Variants in BABAM2 observed in about 807,000 individuals in gnomAD.
BABAM2 encodes BRISC and BRCA1 A complex member 2, also known as BRISC and BRCA1-A complex member 2.
A neutral mutation model predicts 54.7 loss-of-function variants in BABAM2; 31 were observed. The ratio of observed to expected loss-of-function variants is 0.57; its 90% CI spans 0.43 to 0.77. The LOEUF (loss-of-function observed/expected upper bound fraction) is 0.77, where lower values mean the gene tolerates loss of function less well. Among genes scored for constraint, BABAM2 ranks in the 30% least tolerant of loss-of-function variants. BABAM2 has a pLI of 0.00. For synonymous variants in BABAM2, 167 were observed against 162.9 expected (o/e 1.03, Z -0.19); for missense variants, 364 against 455.8 (o/e 0.80, Z 1.83).
chr2:28,276,113 G>A (rs1159993125), intron 10 of BABAM2, among the ~76,000 whole-genome samples: 1 of 152,052 alleles, frequency 6.6e-6, no homozygotes, highest in Non-Finnish European at 1.5e-5. Flanking sequence ...GTGGAAGCTT[G>A]TTAGGTTGAA....
rs1690142814 is a variant in BABAM2, at chr2:28,322,911, C to T, written c.1089-15539C>T. Among the ~76,000 whole-genome samples, 3 of 152,256 alleles carry T rather than the reference C, an allele frequency of 2.0e-5. No homozygotes were observed. Among genetic ancestry groups the T allele is most frequent in the Admixed American group, 6.5e-5 (1 of 15,292 alleles). On this transcript the variant is annotated intron_variant, in intron 11 of 11. Transcript: ENST00000379624. This position sits in a 1 kb window ranked among gnomAD's most constrained non-coding sequence, Gnocchi z 4.1. Reference sequence around the variant, plus strand: ...CATTATTGTCATTAAAGGGGCTAGACGTCTGGCCTGCTGGATAATATCCCC... The same window carrying T: ...CATTATTGTCATTAAAGGGGCTAGATGTCTGGCCTGCTGGATAATATCCCC...
At chr2:28,281,812 A>G (rs1348621853) in intron 10 of BABAM2, among the ~76,000 whole-genome samples, 3 of 152,238 alleles carry the variant, frequency 2.0e-5, no homozygotes, top group Non-Finnish European at 4.4e-5. Context: ...ATGGGATGGT[A>G]TGCCCATCTT....
chr2:28,112,117 C>CTTTT (rs1389962181), intron 6 of BABAM2, among the ~76,000 whole-genome samples: 1 of 11,954 alleles, frequency 8.4e-5, no homozygotes, highest in Non-Finnish European at 1.6e-4. Context: ...TTCTTTCTTT[C>CTTTT]TTTCTTTCTT....
chr2:27,933,650 A>T (rs577670082), intron 3 of BABAM2, among the ~76,000 whole-genome samples: 3 of 151,832 alleles, frequency 2.0e-5, no homozygotes, highest in Non-Finnish European at 2.9e-5. Flanking sequence ...TGTATTTTAG[A>T]GACAGGGTTT....
At chr2:28,236,240 T>C (rs1169128107) in intron 7 of BABAM2, among the ~76,000 whole-genome samples, 4 of 151,800 alleles carry the variant, frequency 2.6e-5, no homozygotes, top group Non-Finnish European at 4.4e-5. Context: ...GGAAAGAAGA[T>C]GAAGTCAAGA....
chr2:28,137,847 G>A (rs1360528676), intron 7 of BABAM2, among the ~76,000 whole-genome samples: 2 of 152,046 alleles, frequency 1.3e-5, no homozygotes, highest in Non-Finnish European at 2.9e-5. Context: ...TTTGAGTCTT[G>A]GGGAAGTTCT....
Position 27,907,015 on chromosome 2 carries a change from A to G in BABAM2, c.128+12331A>G, listed in dbSNP as rs145956973. On this transcript the variant is annotated intron_variant, in intron 2 of 11. Transcript: ENST00000379624. ...GCTCCAAATTAATTATTCTTATACC[A>G]TCACTCATATGTTAAAAGTCTCCTT... Among the ~76,000 whole-genome samples, 28 of 152,276 alleles carry G rather than the reference A, an allele frequency of 1.8e-4. 1 individual carries two copies. The East Asian group carries it at 5.2e-3, about 28-fold the overall frequency.
chr2:27,939,157 TG>T (rs1668698159), intron 3 of BABAM2, among the ~76,000 whole-genome samples: 1 of 152,164 alleles, frequency 6.6e-6, no homozygotes, highest in African/African-American at 2.4e-5. Flanking sequence ...TTCACCATGT[TG>T]GCTAGGATGG....
At chr2:28,102,669 A>G (rs1163592448) in intron 6 of BABAM2, among the ~76,000 whole-genome samples, 2 of 152,234 alleles carry the variant, frequency 1.3e-5, no homozygotes, top group African/African-American at 2.4e-5. Flanking sequence ...GCAGGAAAAC[A>G]GTGTCTTCCA....
intron 7 of BABAM2, among the ~76,000 whole-genome samples, chr2:28,208,193 G>T (rs1679080043): frequency 6.6e-6 from 1 of 152,186 alleles, no homozygotes; most frequent in African/African-American, 2.4e-5. Context: ...TAATGCAGGT[G>T]CAGGACAGCC....
At chr2:27,889,907 G>T (rs979672807), upstream of BABAM2, 8 of 236,216 alleles carry the variant, frequency 3.4e-5, no homozygotes, top group Non-Finnish European at 5.7e-5. Context: ...GTAAAATGAC[G>T]TGGGCAAAGT....
rs536431900 is a variant in BABAM2, at chr2:28,313,084, C to A, written c.1088+14593C>A. ...CCTGCACCACGTACACATCCACCTA[C>A]CCGTGGAGTGGCCTGGCATGGGTGC... is the stretch of plus-strand genomic sequence containing the variant. On this transcript the variant is annotated intron_variant, in intron 11 of 11. Transcript: ENST00000379624. Among the ~76,000 whole-genome samples, 4 of 152,334 alleles carry A rather than the reference C, an allele frequency of 2.6e-5. No homozygotes were observed. The South Asian group carries it at 8.3e-4, about 32-fold the overall frequency.
chr2:28,165,197 ATAG>A (rs1673519109), intron 7 of BABAM2, among the ~76,000 whole-genome samples: 1 of 152,174 alleles, frequency 6.6e-6, no homozygotes, highest in Admixed American at 6.5e-5. Context: ...ACATACTATA[ATAG>A]TAGGGTGTTC....
chr2:28,315,097 G>T (rs1689413856), intron 11 of BABAM2, among the ~76,000 whole-genome samples: 1 of 141,404 alleles, frequency 7.1e-6, no homozygotes, highest in South Asian at 2.4e-4. Flanking sequence ...GGAGAGGAGA[G>T]GGGAGAGGAG....
intron 7 of BABAM2, among the ~76,000 whole-genome samples, chr2:28,227,124 A>G (rs928205865): frequency 1.5e-4 from 23 of 152,152 alleles, no homozygotes; most frequent in African/African-American, 3.1e-4. Context: ...CTGAGATTCA[A>G]TCTCAAAGCC....
chr2:27,904,610 A>G (rs1239318958), intron 2 of BABAM2, among the ~76,000 whole-genome samples: 2 of 151,932 alleles, frequency 1.3e-5, no homozygotes, highest in South Asian at 2.1e-4. Context: ...AGCCATCAAC[A>G]TGAAAGACAG....
At chr2:28,117,850 A>G (rs955547362) in intron 6 of BABAM2, among the ~76,000 whole-genome samples, 10 of 152,194 alleles carry the variant, frequency 6.6e-5, no homozygotes, top group Admixed American at 2.6e-4. Context: ...GGCAAGCAAT[A>G]TCACATATGT....
At chr2:28,261,144 A>G (rs1036012228) in intron 10 of BABAM2, among the ~76,000 whole-genome samples, 2 of 151,454 alleles carry the variant, frequency 1.3e-5, no homozygotes, top group African/African-American at 4.9e-5. Context: ...GTTTCACCAT[A>G]ATGGTCAGAC....
chr2:27,891,843 C>T (rs991018480), intron 1 of BABAM2, among the ~76,000 whole-genome samples: 1 of 152,072 alleles, frequency 6.6e-6, no homozygotes, highest in African/African-American at 2.4e-5. Flanking sequence ...CCTAAAGTCA[C>T]GACCGTTGCT....
Sources: allele counts gnomAD v4.1 joint callset (sites outside exome capture counted in the v4.1 genomes callset), GRCh38; gene constraint gnomAD v4.1.1; non-coding constraint Gnocchi (gnomAD v3.1); transcripts MANE v1.5; gene names NCBI Gene and HGNC (gene_info 2026-07-23, HGNC 2026-07-21).